Variants in SEC24B observed in about 807,000 individuals in gnomAD.
The protein encoded by SEC24B is SEC24 homolog B, COPII component.
Under a neutral mutation model 142.8 loss-of-function variants are expected in SEC24B, and 45 were observed. That is an observed-to-expected ratio of 0.32 (90% CI 0.25 to 0.40). The LOEUF (loss-of-function observed/expected upper bound fraction) is 0.40. SEC24B is among the 10% of genes least tolerant of loss of function. The probability of loss-of-function intolerance (pLI) is 1.00; values close to 1 mark genes in which losing one functional copy is unlikely to be tolerated. For synonymous variants in SEC24B, 574 were observed against 568.2 expected, an observed-to-expected ratio of 1.01 and a Z score of -0.15; for missense variants, 1,409 against 1,526.8, an observed-to-expected ratio of 0.92 and a Z score of 1.29.
intron 10 of SEC24B, among the ~76,000 whole-genome samples, chr4:109,514,083 T>C (rs1046313372): frequency 1.3e-5 from 2 of 152,214 alleles, no homozygotes; most frequent in Non-Finnish European, 2.9e-5. Context: ...TGTCTTATGA[T>C]GGGCACTAGC....
intron 1 of SEC24B, among the ~76,000 whole-genome samples, chr4:109,451,687 T>C (rs754625019): frequency 7.2e-5 from 11 of 152,174 alleles, no homozygotes; most frequent in Non-Finnish European, 1.6e-4. Flanking sequence ...GGATGATATT[T>C]AGAAACCAAG....
At chr4:109,525,217 T>G in intron 15 of SEC24B, 129 bp from the exon 16 acceptor site, 1 of 775,418 alleles carries the variant, frequency 1.3e-6, no homozygotes, top group Non-Finnish European at 1.9e-6. Context: ...CAGATTTGTA[T>G]GTTCTTATTT....
intron 20 of SEC24B, among the ~76,000 whole-genome samples, chr4:109,531,817 A>G (rs1446302065): frequency 6.6e-6 from 1 of 152,098 alleles, no homozygotes. Context: ...GGACATTTCC[A>G]TTTATATTTT....
chr4:109,512,137 TGAG>T, intron 9 of SEC24B, 54 bp downstream of exon 9: 3 of 1,487,054 alleles, frequency 2.0e-6, no homozygotes, highest in Non-Finnish European at 2.7e-6. Context: ...TTTTTTTTTT[TGAG>T]ATTTTTGTCA....
intron 9 of SEC24B, among the ~76,000 whole-genome samples, chr4:109,512,771 C>T (rs1737495215): frequency 6.6e-6 from 1 of 151,294 alleles, no homozygotes; most frequent in Admixed American, 6.6e-5. Flanking sequence ...AAGTTTTTCT[C>T]ATGCCTCAGC....
rs183023881 is a variant in SEC24B, at chr4:109,454,998, T to C, written c.134-7903T>C. Among the ~76,000 whole-genome samples the C allele has an allele frequency of 4.6e-4, 70 of 152,360 alleles. 1 individual carries two copies. Among genetic ancestry groups the C allele is most frequent in the Non-Finnish European group, 7.4e-5 (5 of 68,022 alleles). Reference sequence around the variant, plus strand: ...CTTTTTATCCAATTATACTTCTGCATGGCTGTCCGTACTTTGTTGAACCTA... The same window carrying C: ...CTTTTTATCCAATTATACTTCTGCACGGCTGTCCGTACTTTGTTGAACCTA... On this transcript the variant is annotated intron_variant, in intron 1 of 23. Transcript: ENST00000265175.
intron 1 of SEC24B, among the ~76,000 whole-genome samples, chr4:109,459,713 T>C (rs1253274833): frequency 2.0e-5 from 3 of 152,182 alleles, no homozygotes; most frequent in African/African-American, 4.8e-5. Flanking sequence ...ATTCCTGTTA[T>C]TTTTAAAAGA....
At chr4:109,458,456 A>C (rs1299866994) in intron 1 of SEC24B, among the ~76,000 whole-genome samples, 2 of 152,174 alleles carry the variant, frequency 1.3e-5, no homozygotes, top group Non-Finnish European at 2.9e-5. Flanking sequence ...TAAGCTGCCA[A>C]CTAGAGACTT....
rs1433066103 is a variant in SEC24B at position 109,532,657 on chromosome 4, G to A, written c.3409G>A (p.Asp1137Asn). Residue 1137 changes from aspartate (D) to asparagine (N), a missense_variant, in exon 21 of 24, where the codon GAC (aspartate) becomes AAC (asparagine). Physicochemically the swap from Asp to Asn is conservative, Grantham distance 23 (BLOSUM62 1). This residue lies in a region of SEC24B where 700 missense variants were observed against 853.3 expected (regional missense o/e 0.82). Transcript: ENST00000265175. ...TTTTCAGGGTGCAGTACATGTTAAT[G>A]ACAGGATTGTACCACAGCCACCTCT... is the stretch of plus-strand genomic sequence containing the variant. ...LTDEGAVHVN[D>N]RIVPQPPLQK... 2 of 1,613,238 alleles carry A rather than the reference G, an allele frequency of 1.2e-6. No homozygotes were observed. Among genetic ancestry groups the A allele is most frequent in the Admixed American group, 1.7e-5 (1 of 60,014 alleles).
intron 11 of SEC24B, 124 bp downstream of exon 11, chr4:109,516,764 T>C: frequency 3.9e-6 from 2 of 510,368 alleles, no homozygotes; most frequent in South Asian, 7.4e-5. Context: ...AAAAGAGTAC[T>C]ACTTATGTAC....
intron 4 of SEC24B, among the ~76,000 whole-genome samples, chr4:109,489,688 T>G (rs1734804939): frequency 1.3e-5 from 2 of 148,452 alleles, no homozygotes. Context: ...TATATACATA[T>G]GATAATATAT....
chr4:109,523,656 C>G (rs1723904397), intron 14 of SEC24B, among the ~76,000 whole-genome samples: 1 of 152,018 alleles, frequency 6.6e-6, no homozygotes, highest in Non-Finnish European at 1.5e-5. Flanking sequence ...GAGAAAATAT[C>G]ATTATAAGTA....
intron 7 of SEC24B, among the ~76,000 whole-genome samples, chr4:109,508,134 C>T (rs890097430): frequency 1.9e-4 from 29 of 152,224 alleles, no homozygotes; most frequent in African/African-American, 6.0e-4. Context: ...AGATTGTTTC[C>T]GTAAAAATAC....
chr4:109,474,821 G>A (rs1732931274), intron 3 of SEC24B, among the ~76,000 whole-genome samples: 1 of 152,098 alleles, frequency 6.6e-6, no homozygotes, highest in African/African-American at 2.4e-5. Context: ...CTAAACAATT[G>A]CAATTATGTT....
intron 9 of SEC24B, among the ~76,000 whole-genome samples, chr4:109,513,342 G>C (rs1376745698): frequency 6.7e-6 from 1 of 149,932 alleles, no homozygotes; most frequent in African/African-American, 2.5e-5. Context: ...GGAGTGCAGT[G>C]GTGTAATCTC....
chr4:109,434,066 A>T, intron 1 of SEC24B, 64 bp downstream of exon 1: 4 of 992,382 alleles, frequency 4.0e-6, no homozygotes, highest in Non-Finnish European at 3.6e-6. Flanking sequence ...GCACGGCCAC[A>T]TCGGGGCGGG....
intron 23 of SEC24B, among the ~76,000 whole-genome samples, chr4:109,539,258 G>A (rs941358939): frequency 2.0e-5 from 3 of 151,526 alleles, no homozygotes; most frequent in Admixed American, 6.6e-5. Flanking sequence ...CACCACGCCC[G>A]GCCAATTTTA....
intron 7 of SEC24B, among the ~76,000 whole-genome samples, chr4:109,507,338 G>A (rs543648744): frequency 4.8e-5 from 7 of 146,704 alleles, no homozygotes; most frequent in Admixed American, 1.4e-4. Flanking sequence ...GCAGTGGCCC[G>A]ATCTTAGCTG....
chr4:109,507,770 C>T (rs940649127), intron 7 of SEC24B, among the ~76,000 whole-genome samples: 3 of 152,088 alleles, frequency 2.0e-5, no homozygotes, highest in African/African-American at 7.2e-5. Flanking sequence ...TTTAGCCTCC[C>T]GAGTACCTGG....
Sources: gnomAD v4.1 joint callset for allele counts (sites outside exome capture counted in the v4.1 genomes callset) on GRCh38, gnomAD v4.1.1 for gene constraint, gnomAD v4.1.1 regional missense constraint, MANE v1.5 for transcripts, NCBI Gene and HGNC (gene_info 2026-07-23, HGNC 2026-07-21) for gene names.